TBX2: variants seen among roughly 807,000 people sequenced by gnomAD.
The protein encoded by TBX2 is T-box transcription factor 2, also known as T-box transcription factor TBX2.
Under a neutral mutation model 48.4 loss-of-function variants are expected in TBX2, and 19 were observed. The observed-to-expected ratio is 0.39, with a 90% CI of 0.27 to 0.58. The LOEUF is 0.58. TBX2 is among the 20% of genes least tolerant of loss of function. The probability of loss-of-function intolerance (pLI) is 0.54; values close to 1 mark genes in which losing one functional copy is unlikely to be tolerated. For synonymous variants in TBX2, 522 were observed against 459.7 expected, an observed-to-expected ratio of 1.14 and a Z score of -1.73; for missense variants, 994 against 1,006.5, an observed-to-expected ratio of 0.99 and a Z score of 0.17.
Position 61,408,291 on chromosome 17 carries a change from G to A in TBX2, c.1924G>A (p.Ala642Thr). 1 of 1,612,558 alleles carries A rather than the reference G, an allele frequency of 6.2e-7. No homozygotes were observed. Among genetic ancestry groups the A allele is most frequent in the Non-Finnish European group, 8.5e-7 (1 of 1,179,860 alleles). The change falls in exon 7 of 7, where the codon GCC becomes ACC. Residue 642 changes from alanine to threonine, a missense_variant. By Grantham distance (58) the Ala-to-Thr change is moderately conservative. This residue lies in a region of TBX2 where 639 missense variants were observed against 613.2 expected (regional missense o/e 1.04). Coordinates refer to ENST00000240328, the MANE Select transcript of TBX2 (RefSeq NM_005994.4). ...PSTSLLTTGL[A>T]SEGSKAAGGN... is the part of the protein sequence containing the mutation. ...CACTAGCCTCCTCACCACCGGGCTG[G>A]CCTCTGAGGGCTCCAAGGCCGCTGG...
At chr17:61,402,201 G>A (rs955160369) in intron 2 of TBX2, among the ~76,000 whole-genome samples, 8 of 152,220 alleles carry the variant, frequency 5.3e-5, no homozygotes, top group African/African-American at 7.2e-5. Context: ...TCCTCAGGCC[G>A]TGGAGGGTCC....
At position 61,403,028 on chromosome 17, in the gene TBX2, G is replaced by T; in HGVS notation, c.664-33G>T. The T allele has an allele frequency of 1.3e-6, 2 of 1,590,210 alleles. No homozygotes were observed. Among genetic ancestry groups the T allele is most frequent in the Non-Finnish European group, 8.5e-7 (1 of 1,170,414 alleles). ...AATAGAAAAGCTCGGGCCGGGGCTG[G>T]TGGCTGCCGGCTGACCCCCACCCTC... On this transcript the variant is annotated intron_variant, in intron 2 of 6. Coordinates refer to ENST00000240328, the MANE Select transcript of TBX2 (RefSeq NM_005994.4). This position sits in a 1 kb window ranked among gnomAD's most constrained non-coding sequence, Gnocchi z 5.8.
In TBX2 at chr17:61,405,302, C is replaced by T; in HGVS notation, c.1152C>T (p.Ser384=). The T allele has an allele frequency of 3.2e-6, 5 of 1,557,240 alleles. No homozygotes were observed. Among genetic ancestry groups the T allele is most frequent in the Non-Finnish European group, 4.3e-6 (5 of 1,158,988 alleles). The change falls in exon 6 of 7, where the codon AGC becomes AGT. Residue 384 remains serine (S), a synonymous_variant. Transcript: ENST00000240328. Reference sequence around the variant, plus strand: ...TAGGCCGCAGCCCGGCTCCAGACAGCGCCAGCCCCACTCGCTTGACCGAAC... The same window carrying T: ...TAGGCCGCAGCCCGGCTCCAGACAGTGCCAGCCCCACTCGCTTGACCGAAC... ...APLGRSPAPD[S]ASPTRLTEPE...
At chr17:61,402,185 C>T (rs1182507985) in intron 2 of TBX2, among the ~76,000 whole-genome samples, 1 of 152,210 alleles carries the variant, frequency 6.6e-6, no homozygotes, top group East Asian at 1.9e-4. Context: ...AGCTCACAAT[C>T]TCAGTTCCTC....
In TBX2 at chr17:61,408,174, G is replaced by T. The variant is rs764036287; in HGVS notation, c.1807G>T (p.Ala603Ser). 1.9e-6 allele frequency: 3 copies of T among 1,612,492 alleles called. No individual in the cohort carries two copies. The African/African-American group carries it at 4.0e-5, about 22-fold the overall frequency. The change falls in exon 7 of 7, where the codon GCC (alanine) becomes TCC (serine). Residue 603 changes from alanine to serine, a missense_variant. Transcript: ENST00000240328. ...TGCTGCAGCTGCCGCCGCCGCAGCC[G>T]CCGGCTCCCTCTCCCGGAGCCCCTT... ...TSAAAAAAAA[A>S]GSLSRSPFLG... is the part of the protein sequence containing the mutation.
chr17:61,405,575 C>T lies in TBX2; in HGVS notation c.1425C>T (p.His475=), dbSNP rs1244936105. ...LPGLAFSSHL[H]GQQFFGPLGA... is the part of the protein sequence containing the mutation. ...GCCTGGCCTTTTCCAGCCACTTGCA[C>T]GGGCAGCAGTTCTTTGGGCCGCTGG... The change falls in exon 6 of 7, where the codon CAC becomes CAT. Residue 475 remains histidine, a synonymous_variant. Coordinates refer to ENST00000240328, the MANE Select transcript of TBX2 (RefSeq NM_005994.4). 1.9e-6 allele frequency: 3 copies of T among 1,600,276 alleles called. No individual in the cohort carries two copies. The highest frequency in any genetic ancestry group is 4.5e-5 in the East Asian group (2 of 44,564).
Position 61,400,605 on chromosome 17 carries a change from C to A in TBX2, c.395+34C>A. The A allele has an allele frequency of 2.3e-5, 13 of 575,956 alleles. No individual in the cohort carries two copies. The highest frequency in any genetic ancestry group is 3.9e-5 in the Non-Finnish European group (13 of 332,438). 35.7% of individuals were successfully genotyped at this position (575,956 alleles called of 1,614,324 possible). A position where few individuals can be genotyped will look rare whatever the true frequency, so the allele number is the denominator to read the frequency against. On this transcript the variant is annotated intron_variant, in intron 1 of 6. Coordinates refer to ENST00000240328, the MANE Select transcript of TBX2 (RefSeq NM_005994.4). The surrounding 1 kb of genome is among the most constrained non-coding windows in gnomAD (Gnocchi z 9.2). ...GCCGGCCGGCTGGAAGGCGCGCGGG[C>A]GGGCGGGCGGGCTGGGGCACGGGAC...
rs527788664 is a variant in TBX2, at chr17:61,400,154, G to A, written c.-23G>A. ...GCCCCCGGCCCCGGCCCCGGCCCCC[G>A]GGCGCCTGGGCCGGATGTCCCGATG... is the stretch of plus-strand genomic sequence containing the variant. On this transcript the variant is annotated 5_prime_UTR_variant, in exon 1 of 7. Coordinates refer to ENST00000240328, the MANE Select transcript of TBX2 (RefSeq NM_005994.4). The surrounding 1 kb of genome is among the most constrained non-coding windows in gnomAD (Gnocchi z 9.2). The A allele has an allele frequency of 1.7e-5, 17 of 1,005,252 alleles. No individual in the cohort carries two copies. The South Asian group carries it at 4.7e-4, about 28-fold the overall frequency. The allele number at this position is 1,005,252 out of a possible 1,614,324, so 62.3% of individuals were successfully genotyped here. A position where few individuals can be genotyped will look rare whatever the true frequency, so the allele number is the denominator to read the frequency against.
Position 61,404,519 on chromosome 17 carries a change from C to A in TBX2, c.887+22C>A. 1.9e-6 allele frequency: 3 copies of A among 1,608,680 alleles called. No homozygotes were observed. The South Asian group carries it at 3.3e-5, about 18-fold the overall frequency. On this transcript the variant is annotated intron_variant, in intron 4 of 6. Coordinates refer to ENST00000240328, the MANE Select transcript of TBX2 (RefSeq NM_005994.4). Reference sequence around the variant, plus strand: ...AAAGGTGAGAGGCCGAGGACAGCAGCCCTGTGGCGGGTGCCCGCGGGAGCA... The same window carrying A: ...AAAGGTGAGAGGCCGAGGACAGCAGACCTGTGGCGGGTGCCCGCGGGAGCA...
At position 61,404,879 on chromosome 17, in the gene TBX2, C is replaced by G. The variant is rs2060281115; in HGVS notation, c.1051+110C>G. The G allele has an allele frequency of 4.8e-6, 7 of 1,458,306 alleles. No individual in the cohort carries two copies. The South Asian group carries it at 8.5e-5, about 18-fold the overall frequency. The allele number at this position is 1,458,306 out of a possible 1,614,324, so 90.3% of individuals were successfully genotyped here. ...CTAACCTGAAAGGCCAGGAAGGAAACGTCGGCGAGTGTCTGGGATGGGGTT... is the reference window on the plus strand; with the variant it reads ...CTAACCTGAAAGGCCAGGAAGGAAAGGTCGGCGAGTGTCTGGGATGGGGTT... On this transcript the variant is annotated intron_variant, in intron 5 of 6. Coordinates refer to ENST00000240328, the MANE Select transcript of TBX2 (RefSeq NM_005994.4).
chr17:61,409,132 G>A lies in TBX2; in HGVS notation c.*626G>A, dbSNP rs372816278. The A allele has an allele frequency of 1.4e-4, 21 of 152,686 alleles. No homozygotes were observed. The highest frequency in any genetic ancestry group is 4.8e-4 in the African/African-American group (20 of 41,572). The allele number at this position is 152,686 out of a possible 1,614,324, so 9.5% of individuals were successfully genotyped here. On this transcript the variant is annotated 3_prime_UTR_variant, in exon 7 of 7. Coordinates refer to ENST00000240328, the MANE Select transcript of TBX2 (RefSeq NM_005994.4). ...GGTAATTTGTGTAAATAAGCTTTAAGGTTCCCAGAATATGCAAATTGGTAT... is the reference window on the plus strand; with the variant it reads ...GGTAATTTGTGTAAATAAGCTTTAAAGTTCCCAGAATATGCAAATTGGTAT...
rs751465106 is a variant in TBX2 at position 61,408,073 on chromosome 17, T to C, written c.1706T>C (p.Phe569Ser). 35 of 1,589,956 alleles carry C rather than the reference T, an allele frequency of 2.2e-5. No individual in the cohort carries two copies. The highest frequency in any genetic ancestry group is 3.0e-5 in the Non-Finnish European group (35 of 1,169,054). Reference protein sequence around the residue: ...LASQGIPMPTFGGLFPYPYTY... With the variant: ...LASQGIPMPTSGGLFPYPYTY... ...TTCCAGGGAATTCCAATGCCCACTTTCGGAGGCCTCTTCCCCTACCCCTAC... is the reference window on the plus strand; with the variant it reads ...TTCCAGGGAATTCCAATGCCCACTTCCGGAGGCCTCTTCCCCTACCCCTAC... The change falls in exon 7 of 7, where the codon TTC becomes TCC. Residue 569 changes from phenylalanine to serine, a missense_variant. Phe to Ser is a radical substitution (Grantham distance 155, BLOSUM62 -2). This residue lies in a region of TBX2 where 639 missense variants were observed against 613.2 expected (regional missense o/e 1.04). Coordinates refer to ENST00000240328, the MANE Select transcript of TBX2 (RefSeq NM_005994.4).
Position 61,404,632 on chromosome 17 carries a change from G to T in TBX2, c.914G>T (p.Arg305Leu). Residue 305 changes from arginine to leucine, a missense_variant, in exon 5 of 7, where the codon CGC becomes CTC. Arg to Leu is a moderately radical substitution (Grantham distance 102, BLOSUM62 -2). Coordinates refer to ENST00000240328, the MANE Select transcript of TBX2 (RefSeq NM_005994.4). Reference sequence around the variant, plus strand: ...AAGCAGCTGACGCTGCCGTCTCTACGCTTGTACGAGGAGCACTGCAAACCC... The same window carrying T: ...AAGCAGCTGACGCTGCCGTCTCTACTCTTGTACGAGGAGCACTGCAAACCC... Reference protein sequence around the residue: ...KRKQLTLPSLRLYEEHCKPER... With the variant: ...KRKQLTLPSLLLYEEHCKPER... The T allele has an allele frequency of 6.3e-7, 1 of 1,581,414 alleles. No homozygotes were observed. Among genetic ancestry groups the T allele is most frequent in the Non-Finnish European group, 8.6e-7 (1 of 1,162,632 alleles).
Position 61,401,720 on chromosome 17 carries a change from C to T in TBX2, c.432C>T (p.Gly144=). Residue 144 remains glycine, a synonymous_variant, in exon 2 of 7, where the codon GGC becomes GGT. Coordinates refer to ENST00000240328, the MANE Select transcript of TBX2 (RefSeq NM_005994.4). ...MFPPFKVRVS[G]LDKKAKYILL... ...CCCCCTTCAAGGTGCGAGTCAGCGG[C>T]CTGGACAAGAAGGCCAAGTATATCC... 1.2e-6 allele frequency: 2 copies of T among 1,612,936 alleles called. No individual in the cohort carries two copies. The highest frequency in any genetic ancestry group is 1.7e-6 in the Non-Finnish European group (2 of 1,179,968).
intron 6 of TBX2, 59 bp downstream of exon 6, chr17:61,405,895 C>G: frequency 7.9e-7 from 1 of 1,259,242 alleles, no homozygotes; most frequent in African/African-American, 1.5e-5. Context: ...GAGCTGGCGG[C>G]GAGGCCAGCG....
Position 61,404,738 on chromosome 17 carries a change from G to C in TBX2, c.1020G>C (p.Ala340=), listed in dbSNP as rs760458081. 6.4e-7 allele frequency: 1 copy of C among 1,551,274 alleles called. No individual in the cohort carries two copies. Among genetic ancestry groups the C allele is most frequent in the South Asian group, 1.2e-5 (1 of 85,090 alleles). The change falls in exon 5 of 7, where the codon GCG becomes GCC. Residue 340 remains alanine, a synonymous_variant. Transcript: ENST00000240328. ...AREPPTSPGA[A]PSPLRLHRAR... ...AACCACCCACCTCCCCGGGCGCAGC[G>C]CCCAGTCCGCTGCGCCTGCACCGGG...
rs1569014277 is a variant in TBX2, at chr17:61,400,405, G to T, written c.229G>T (p.Val77Phe). The change falls in exon 1 of 7, where the codon GTC becomes TTC. Residue 77 changes from valine to phenylalanine, a missense_variant. This residue lies in a region of TBX2 where 165 missense variants were observed against 136.8 expected (regional missense o/e 1.21). Transcript: ENST00000240328. The surrounding 1 kb of genome is among the most constrained non-coding windows in gnomAD (Gnocchi z 9.2). ...AAAAAEAGLH[V>F]SALGPHPPAA... ...AGCAGCGGCCGAGGCGGGGCTGCACGTCTCGGCACTGGGCCCGCACCCGCC... is the reference window on the plus strand; with the variant it reads ...AGCAGCGGCCGAGGCGGGGCTGCACTTCTCGGCACTGGGCCCGCACCCGCC... 1 of 1,490,390 alleles carries T rather than the reference G, an allele frequency of 6.7e-7. No homozygotes were observed. Among genetic ancestry groups the T allele is most frequent in the South Asian group, 1.2e-5 (1 of 81,694 alleles). The allele number at this position is 1,490,390 out of a possible 1,614,324, so 92.3% of individuals were successfully genotyped here. A position where few individuals can be genotyped will look rare whatever the true frequency, so the allele number is the denominator to read the frequency against.
chr17:61,406,153 C>A lies in TBX2; in HGVS notation c.1686+317C>A. 3.3e-6 allele frequency: 1 copy of A among 300,982 alleles called. No individual in the cohort carries two copies. Among genetic ancestry groups the A allele is most frequent in the Non-Finnish European group, 6.1e-6 (1 of 164,134 alleles). The allele number at this position is 300,982 out of a possible 1,614,324, so 18.6% of individuals were successfully genotyped here. ...GTGCGGTGCCCATCGAGACTCTTCT[C>A]ACCCTCACAGACCAGGGCCACCCCT... On this transcript the variant is annotated intron_variant, in intron 6 of 6. Coordinates refer to ENST00000240328, the MANE Select transcript of TBX2 (RefSeq NM_005994.4). The surrounding 1 kb of genome is among the most constrained non-coding windows in gnomAD (Gnocchi z 5.7).
chr17:61,406,134 T>G lies in TBX2; in HGVS notation c.1686+298T>G. The G allele has an allele frequency of 6.3e-6, 2 of 318,736 alleles. No individual in the cohort carries two copies. Among genetic ancestry groups the G allele is most frequent in the Non-Finnish European group, 5.7e-6 (1 of 175,514 alleles). The allele number at this position is 318,736 out of a possible 1,614,324, so 19.7% of individuals were successfully genotyped here. A position where few individuals can be genotyped will look rare whatever the true frequency, so the allele number is the denominator to read the frequency against. On this transcript the variant is annotated intron_variant, in intron 6 of 6. Transcript: ENST00000240328. The surrounding 1 kb of genome is among the most constrained non-coding windows in gnomAD (Gnocchi z 5.7). ...CCTATAGCCCCAGCGAGGAGTGCGG[T>G]GCCCATCGAGACTCTTCTCACCCTC...
Sources: allele counts gnomAD v4.1 joint callset (sites outside exome capture counted in the v4.1 genomes callset), GRCh38; gene constraint gnomAD v4.1.1; regional missense constraint gnomAD v4.1.1; non-coding constraint Gnocchi (gnomAD v3.1); transcripts MANE v1.5; gene names NCBI Gene and HGNC (gene_info 2026-07-23, HGNC 2026-07-21).